SLIT1: variants seen among roughly 807,000 people sequenced by gnomAD.
The protein encoded by SLIT1 is slit guidance ligand 1.
A neutral mutation model predicts 186.1 loss-of-function variants in SLIT1; 66 were observed. The ratio of observed to expected loss-of-function variants is 0.35; its 90% CI spans 0.29 to 0.44. The LOEUF is 0.44. Among genes scored for constraint, SLIT1 ranks in the 20% least tolerant of loss-of-function variants. The pLI is 1.00. For synonymous variants in SLIT1, 761 were observed against 833.8 expected (o/e 0.91, Z 1.50); for missense variants, 1,638 against 2,037.4 (o/e 0.80, Z 3.77).
chr10:97,163,334 C>T (rs776708925), intron 3 of SLIT1, 46 bp downstream of exon 3: 11 of 1,545,328 alleles, frequency 7.1e-6, no homozygotes, highest in Admixed American at 5.0e-5. Context: ...AGTTCCCTCT[C>T]GTGCCAGCCC....
chr10:97,166,154 G>T (rs1850102274), intron 1 of SLIT1, among the ~76,000 whole-genome samples: 1 of 151,984 alleles, frequency 6.6e-6, no homozygotes, highest in Non-Finnish European at 1.5e-5. Context: ...TCTGCGTATG[G>T]CCAAGAGTTC....
At chr10:97,116,491 G>C (rs2134683795) in intron 4 of SLIT1, among the ~76,000 whole-genome samples, 1 of 152,268 alleles carries the variant, frequency 6.6e-6, no homozygotes, top group African/African-American at 2.4e-5. Context: ...GTCTAGCCCG[G>C]CATCCTGGGC....
At chr10:97,138,621 T>C (rs917357459) in intron 4 of SLIT1, among the ~76,000 whole-genome samples, 1 of 150,154 alleles carries the variant, frequency 6.7e-6, no homozygotes. Context: ...TTGTTTCCTA[T>C]AAACGCAGTT....
intron 3 of SLIT1, among the ~76,000 whole-genome samples, chr10:97,158,832 C>T (rs1399941314): frequency 1.3e-5 from 2 of 151,318 alleles, no homozygotes; most frequent in South Asian, 2.1e-4. Context: ...GCTGAGATCA[C>T]GCCACCGCAC....
At chr10:97,100,344 C>T (rs1027588520) in intron 4 of SLIT1, among the ~76,000 whole-genome samples, 2 of 152,128 alleles carry the variant, frequency 1.3e-5, no homozygotes, top group Non-Finnish European at 2.9e-5. Flanking sequence ...AAATTTTTGG[C>T]CGGGTGCAGT....
rs572003818 is a variant in SLIT1 at position 97,060,631 on chromosome 10, C to T, written c.941+9G>A. 69 of 1,612,340 alleles carry T rather than the reference C, an allele frequency of 4.3e-5. 1 individual carries two copies. The highest frequency in any genetic ancestry group is 8.8e-5 in the South Asian group (8 of 91,002). On this transcript the variant is annotated intron_variant, in intron 9 of 36. Transcript: ENST00000266058. Reference sequence around the variant, plus strand: ...CTGTGCCCCAGCATCTGCCCTGCCCCGTACTCACATCTCCGTCATGGTCTC... The same window carrying T: ...CTGTGCCCCAGCATCTGCCCTGCCCTGTACTCACATCTCCGTCATGGTCTC...
At position 97,105,212 on chromosome 10, in the gene SLIT1, A is replaced by C. The variant is rs555502916; in HGVS notation, c.414-39126T>G. On this transcript the variant is annotated intron_variant, in intron 4 of 36. Coordinates refer to ENST00000266058, the MANE Select transcript of SLIT1 (RefSeq NM_003061.3). ...CATAAAAAAGTCAGCAGGAAAAATAAATCTGATGACCACTCAGTTCCATTC... is the reference window on the plus strand; with the variant it reads ...CATAAAAAAGTCAGCAGGAAAAATACATCTGATGACCACTCAGTTCCATTC... Among the ~76,000 whole-genome samples the C allele has an allele frequency of 3.9e-3, 594 of 152,334 alleles. 2 individuals are homozygous for C. The highest frequency in any genetic ancestry group is 0.011 in the African/African-American group (458 of 41,568).
At chr10:97,112,695 GTTT>G (rs1849475890) in intron 4 of SLIT1, among the ~76,000 whole-genome samples, 1 of 152,092 alleles carries the variant, frequency 6.6e-6, no homozygotes. Context: ...TTATTAATTT[GTTT>G]TTTGTTTTGT....
At chr10:97,011,406 G>C (rs1284210929) in intron 30 of SLIT1, among the ~76,000 whole-genome samples, 1 of 152,088 alleles carries the variant, frequency 6.6e-6, no homozygotes, top group African/African-American at 2.4e-5. Context: ...AGGGGCAGAT[G>C]GAGTCTTGTC....
At chr10:97,036,668 G>A (rs573810632) in intron 22 of SLIT1, among the ~76,000 whole-genome samples, 28 of 152,314 alleles carry the variant, frequency 1.8e-4, no homozygotes, top group African/African-American at 6.3e-4. Context: ...GGACTGATGT[G>A]GGCCCGTAGA....
rs557193784 is a variant in SLIT1 at position 97,121,748 on chromosome 10, A to G, written c.413+36070T>C. On this transcript the variant is annotated intron_variant, in intron 4 of 36. Transcript: ENST00000266058. Reference sequence around the variant, plus strand: ...AGGACCTCTCAGACGTGTAGTTCTTACCTTGGCTCCATTTCATCTGCCCAT... The same window carrying G: ...AGGACCTCTCAGACGTGTAGTTCTTGCCTTGGCTCCATTTCATCTGCCCAT... 2.6e-5 allele frequency among the ~76,000 whole-genome samples: 4 copies of G among 152,140 alleles called. No individual in the cohort carries two copies. The South Asian group carries it at 6.2e-4, about 24-fold the overall frequency.
chr10:97,005,316 G>A (rs1383255571), intron 32 of SLIT1, among the ~76,000 whole-genome samples: 1 of 152,244 alleles, frequency 6.6e-6, no homozygotes, highest in African/African-American at 2.4e-5. Context: ...CGCTGGAACT[G>A]TGCAAGCAAA....
At chr10:97,059,634 G>A (rs954567357) in intron 10 of SLIT1, 103 bp from the exon 11 acceptor site, 5 of 867,506 alleles carry the variant, frequency 5.8e-6, no homozygotes, top group Non-Finnish European at 9.6e-6. Flanking sequence ...GCAGGGTGGA[G>A]TGCTTTGAAA....
At chr10:97,095,770 A>G (rs1243207941) in intron 4 of SLIT1, among the ~76,000 whole-genome samples, 1 of 152,170 alleles carries the variant, frequency 6.6e-6, no homozygotes, top group Non-Finnish European at 1.5e-5. Flanking sequence ...TTCCTGCACC[A>G]GGTGTGTGAC....
chr10:97,163,076 G>A (rs1427504108), intron 3 of SLIT1, among the ~76,000 whole-genome samples: 2 of 152,184 alleles, frequency 1.3e-5, no homozygotes, highest in African/African-American at 4.8e-5. Context: ...GAGATGACAG[G>A]AAGAAATGTC....
At chr10:97,081,660 C>T (rs1158326904) in intron 4 of SLIT1, among the ~76,000 whole-genome samples, 1 of 152,160 alleles carries the variant, frequency 6.6e-6, no homozygotes, top group East Asian at 1.9e-4. Flanking sequence ...CAGGGATGCT[C>T]AAAGGGAATA....
intron 4 of SLIT1, among the ~76,000 whole-genome samples, chr10:97,131,584 C>A (rs1849654935): frequency 6.6e-6 from 1 of 152,220 alleles, no homozygotes; most frequent in Admixed American, 6.5e-5. Context: ...TGAGTTCCAC[C>A]CTCTGGAGGC....
At chr10:97,060,000 GT>G in intron 10 of SLIT1, 86 bp downstream of exon 10, 1 of 1,168,558 alleles carries the variant, frequency 8.6e-7, no homozygotes, top group Non-Finnish European at 1.3e-6. Flanking sequence ...GGGGGGCTGA[GT>G]TAGGGCCTGC....
At chr10:97,148,175 T>C (rs1186571646) in intron 4 of SLIT1, among the ~76,000 whole-genome samples, 1 of 152,192 alleles carries the variant, frequency 6.6e-6, no homozygotes, top group Non-Finnish European at 1.5e-5. Context: ...ATAGCACCCA[T>C]TGCATAGGAC....
Sources: allele counts gnomAD v4.1 joint callset (sites outside exome capture counted in the v4.1 genomes callset), GRCh38; gene constraint gnomAD v4.1.1; transcripts MANE v1.5; gene names NCBI Gene and HGNC (gene_info 2026-07-23, HGNC 2026-07-21).